TMEM87B: variants seen among roughly 807,000 people sequenced by gnomAD.
TMEM87B encodes transmembrane protein 87B.
A neutral mutation model predicts 80.3 loss-of-function variants in TMEM87B; 83 were observed. The ratio of observed to expected loss-of-function variants is 1.03; its 90% CI spans 0.87 to 1.24. TMEM87B has a LOEUF of 1.24. TMEM87B is among the 50% of genes most tolerant of loss of function. The pLI is 0.00. For synonymous variants in TMEM87B, 219 were observed against 230.5 expected, an observed-to-expected ratio of 0.95 and a Z score of 0.45; for missense variants, 625 against 674.4, an observed-to-expected ratio of 0.93 and a Z score of 0.81.
At chr2:112,089,511 A>T in intron 9 of TMEM87B, 114 bp from the exon 10 acceptor site, 1 of 900,394 alleles carries the variant, frequency 1.1e-6, no homozygotes, top group Non-Finnish European at 1.8e-6. Flanking sequence ...GAACAGACTG[A>T]TGTGATTAGA....
At chr2:112,092,643 G>A (rs1332473824) in intron 11 of TMEM87B, among the ~76,000 whole-genome samples, 1 of 152,336 alleles carries the variant, frequency 6.6e-6, no homozygotes, top group Non-Finnish European at 1.5e-5. Flanking sequence ...AAGAACCCAC[G>A]TGATAGACTT....
chr2:112,081,628 TTA>T, intron 8 of TMEM87B, 110 bp downstream of exon 8: 1 of 965,870 alleles, frequency 1.0e-6, no homozygotes, highest in Non-Finnish European at 1.5e-6. Flanking sequence ...AACAGATATA[TTA>T]TAGATGAAGA....
chr2:112,102,083 A>C (rs1029087490), intron 15 of TMEM87B, among the ~76,000 whole-genome samples: 5 of 152,200 alleles, frequency 3.3e-5, no homozygotes, highest in African/African-American at 4.8e-5. Flanking sequence ...ATACTTAAGG[A>C]AGAAATGGAA....
In TMEM87B at chr2:112,099,900, A is replaced by C. The variant is rs964805387; in HGVS notation, c.1377-722A>C. Among the ~76,000 whole-genome samples the C allele has an allele frequency of 6.2e-3, 924 of 149,508 alleles. 7 individuals are homozygous for C. Among genetic ancestry groups the C allele is most frequent in the Non-Finnish European group, 6.7e-3 (453 of 67,402 alleles). The stretch of plus-strand genomic sequence containing the variant: ...CCTGTCTCAAAAAAAAAAAAAAAAA[A>C]CCACAAAAAAAACAACTATCTTTCC... On this transcript the variant is annotated intron_variant, in intron 14 of 18. Transcript: ENST00000283206.
At chr2:112,098,085 C>G (rs956867483) in intron 13 of TMEM87B, among the ~76,000 whole-genome samples, 1 of 152,034 alleles carries the variant, frequency 6.6e-6, no homozygotes, top group Non-Finnish European at 1.5e-5. Flanking sequence ...AAGCAATTAT[C>G]TGCCTCAGCC....
intron 8 of TMEM87B, among the ~76,000 whole-genome samples, chr2:112,083,504 A>G (rs1679061081): frequency 6.6e-6 from 1 of 152,232 alleles, no homozygotes; most frequent in Non-Finnish European, 1.5e-5. Flanking sequence ...GAGGTAGACC[A>G]CTTCCATCAT....
intron 4 of TMEM87B, among the ~76,000 whole-genome samples, chr2:112,073,507 T>C (rs917281657): frequency 3.3e-5 from 5 of 152,328 alleles, no homozygotes; most frequent in Middle Eastern, 3.4e-3. Flanking sequence ...TTCTGAGCAT[T>C]GTTTTATTTC....
In TMEM87B at chr2:112,069,143, G is replaced by C. The variant is rs113967017; in HGVS notation, c.450+2076G>C. On this transcript the variant is annotated intron_variant, in intron 4 of 18. Transcript: ENST00000283206. ...GGAAGCGGAGCTTGCAGTGAGCCGAGATTGCGCCACTGCAGTCCGCAGTCT... is the reference window on the plus strand; with the variant it reads ...GGAAGCGGAGCTTGCAGTGAGCCGACATTGCGCCACTGCAGTCCGCAGTCT... Among the ~76,000 whole-genome samples, 787 of 139,550 alleles carry C rather than the reference G, an allele frequency of 5.6e-3. 5 individuals are homozygous for C. The highest frequency in any genetic ancestry group is 9.2e-3 in the Non-Finnish European group (610 of 66,274). The allele number at this position is 139,550 out of a possible 152,430, so 91.6% of individuals were successfully genotyped here. A position where few individuals can be genotyped will look rare whatever the true frequency, so the allele number is the denominator to read the frequency against.
In TMEM87B at chr2:112,081,350, T is replaced by C. The variant is rs777633817; in HGVS notation, c.670T>C (p.Cys224Arg). The change falls in exon 8 of 19, where the codon TGT becomes CGT. Residue 224 changes from cysteine to arginine, a missense_variant. Cys to Arg is a radical substitution (Grantham distance 180, BLOSUM62 -3). Transcript: ENST00000283206. Reference protein sequence around the residue: ...WPLMIFYMVMCIVYILYGILW... With the variant: ...WPLMIFYMVMRIVYILYGILW... The stretch of plus-strand genomic sequence containing the variant: ...CTTCCTACAGTTTTACATGGTGATG[T>C]GTATTGTTTATATATTATATGGCAT... The C allele has an allele frequency of 2.7e-5, 43 of 1,601,740 alleles. No individual in the cohort carries two copies. The highest frequency in any genetic ancestry group is 3.5e-5 in the Non-Finnish European group (41 of 1,176,442).
At chr2:112,097,181 ATTATC>A (rs747872058) in intron 12 of TMEM87B, 29 bp downstream of exon 12, 63 of 1,597,508 alleles carry the variant, frequency 3.9e-5, no homozygotes, top group Non-Finnish European at 5.3e-5. Flanking sequence ...CTTACAGTAA[ATTATC>A]TTAGTATTGT....
intron 14 of TMEM87B, among the ~76,000 whole-genome samples, chr2:112,099,921 T>C (rs1281326022): frequency 1.3e-5 from 2 of 151,610 alleles, no homozygotes; most frequent in African/African-American, 4.8e-5. Flanking sequence ...AACAACTATC[T>C]TTCCATATCA....
intron 15 of TMEM87B, among the ~76,000 whole-genome samples, chr2:112,105,569 G>A (rs967128765): frequency 5.1e-4 from 77 of 152,258 alleles, no homozygotes; most frequent in African/African-American, 1.8e-3. Flanking sequence ...AAGAAATCTT[G>A]ATCTTTCCTA....
In TMEM87B at chr2:112,081,378, T is replaced by G. The variant is rs1678993388; in HGVS notation, c.698T>G (p.Leu233Arg). The G allele has an allele frequency of 6.2e-7, 1 of 1,613,180 alleles. No homozygotes were observed. The highest frequency in any genetic ancestry group is 8.5e-7 in the Non-Finnish European group (1 of 1,179,786). ...MCIVYILYGILWLTWSACYWK... is the reference protein window; with the variant it reads ...MCIVYILYGIRWLTWSACYWK... The stretch of plus-strand genomic sequence containing the variant: ...ATTGTTTATATATTATATGGCATAC[T>G]CTGGCTGACGTGGTCTGCCTGTTAT... The change falls in exon 8 of 19, where the codon CTC becomes CGC. Residue 233 changes from leucine (L) to arginine (R), a missense_variant. Coordinates refer to ENST00000283206, the MANE Select transcript of TMEM87B (RefSeq NM_032824.3).
chr2:112,055,751 A>G lies in TMEM87B; in HGVS notation c.160A>G (p.Asn54Asp). The stretch of plus-strand genomic sequence containing the variant: ...GCTCGGGCTCTGGTTAGAGACAGTC[A>G]ACGACGTAAGTGGAGTGTCGGGACC... ...PELGLWLETV[N>D]DKSGPLIFRK... Residue 54 changes from asparagine (N) to aspartate (D), a missense_variant, in exon 1 of 19, where the codon AAC becomes GAC. Coordinates refer to ENST00000283206, the MANE Select transcript of TMEM87B (RefSeq NM_032824.3). The G allele has an allele frequency of 6.7e-7, 1 of 1,487,274 alleles. No homozygotes were observed. The allele number at this position is 1,487,274 out of a possible 1,614,324, so 92.1% of individuals were successfully genotyped here. A position where few individuals can be genotyped will look rare whatever the true frequency, so the allele number is the denominator to read the frequency against.
chr2:112,116,698 C>T lies in TMEM87B; in HGVS notation c.*555C>T, dbSNP rs1024478952. The T allele has an allele frequency of 1.3e-5, 2 of 151,566 alleles. No homozygotes were observed. Among genetic ancestry groups the T allele is most frequent in the African/African-American group, 4.8e-5 (2 of 41,246 alleles). The allele number at this position is 151,566 out of a possible 1,614,324, so 9.4% of individuals were successfully genotyped here. ...TTTATAGGTTTTTTCCGCTCCCCCC[C>T]AACCCACCCTTTTTAAAAAATCTAT... is the stretch of plus-strand genomic sequence containing the variant. On this transcript the variant is annotated 3_prime_UTR_variant, in exon 19 of 19. Coordinates refer to ENST00000283206, the MANE Select transcript of TMEM87B (RefSeq NM_032824.3).
intron 9 of TMEM87B, among the ~76,000 whole-genome samples, chr2:112,087,340 C>A (rs548699088): frequency 2.6e-5 from 4 of 152,302 alleles, no homozygotes; most frequent in Admixed American, 6.5e-5. Context: ...GTGCTGCTGG[C>A]AGTTGTACTC....
At chr2:112,083,928 G>A (rs1378631940) in intron 8 of TMEM87B, among the ~76,000 whole-genome samples, 1 of 152,196 alleles carries the variant, frequency 6.6e-6, no homozygotes, top group African/African-American at 2.4e-5. Context: ...TATGTGATGA[G>A]AGGCAAGAGA....
rs1224138152 is a variant in TMEM87B, at chr2:112,081,328, C to T, written c.655-7C>T. 6.3e-7 allele frequency: 1 copy of T among 1,584,932 alleles called. No homozygotes were observed. The highest frequency in any genetic ancestry group is 2.2e-5 in the East Asian group (1 of 44,658). On this transcript the variant is annotated splice_polypyrimidine_tract_variant and splice_region_variant and intron_variant, in intron 7 of 18. Transcript: ENST00000283206. Reference sequence around the variant, plus strand: ...TTAACTGACTAAAATTGCTTCTCTTCCTACAGTTTTACATGGTGATGTGTA... The same window carrying T: ...TTAACTGACTAAAATTGCTTCTCTTTCTACAGTTTTACATGGTGATGTGTA...
In TMEM87B at chr2:112,118,959, C is replaced by T. The variant is rs765698090; in HGVS notation, c.*2816C>T. 1 of 152,012 alleles carries T rather than the reference C, an allele frequency of 6.6e-6. No homozygotes were observed. Among genetic ancestry groups the T allele is most frequent in the Non-Finnish European group, 1.5e-5 (1 of 67,980 alleles). 9.4% of individuals were successfully genotyped at this position (152,012 alleles called of 1,614,324 possible). A position where few individuals can be genotyped will look rare whatever the true frequency, so the allele number is the denominator to read the frequency against. On this transcript the variant is annotated 3_prime_UTR_variant, in exon 19 of 19. Transcript: ENST00000283206. ...CAATAAGCAATACAAAATACCAAGCCTTATACTTAAAAGAAGTTTAACATA... is the reference window on the plus strand; with the variant it reads ...CAATAAGCAATACAAAATACCAAGCTTTATACTTAAAAGAAGTTTAACATA...
Sources: gnomAD v4.1 joint callset for allele counts (sites outside exome capture counted in the v4.1 genomes callset) on GRCh38, gnomAD v4.1.1 for gene constraint, MANE v1.5 for transcripts, NCBI Gene and HGNC (gene_info 2026-07-23, HGNC 2026-07-21) for gene names.